SPOCK3: variants seen among roughly 807,000 people sequenced by gnomAD.
SPOCK3 encodes the protein testican-3.
In SPOCK3, 30 loss-of-function variants were observed where a neutral mutation model predicts 56.6. The ratio of observed to expected loss-of-function variants is 0.53; its 90% CI spans 0.40 to 0.72. The LOEUF (loss-of-function observed/expected upper bound fraction) is 0.72. Ranked by LOEUF, SPOCK3 falls within the 30% of genes least tolerant of loss-of-function variation. The probability of loss-of-function intolerance (pLI) is 0.00; values close to 1 mark genes in which losing one functional copy is unlikely to be tolerated. For missense variants in SPOCK3, 527 were observed against 530.0 expected (o/e 0.99, Z 0.06); for synonymous variants, 196 against 183.3 (o/e 1.07, Z -0.56).
At chr4:166,996,646 C>A (rs1203377657) in intron 4 of SPOCK3, among the ~76,000 whole-genome samples, 2 of 152,098 alleles carry the variant, frequency 1.3e-5, no homozygotes, top group African/African-American at 2.4e-5. Flanking sequence ...ATAAAGGTAA[C>A]AGAAAGTTAG....
intron 6 of SPOCK3, among the ~76,000 whole-genome samples, chr4:166,814,309 T>C (rs779822439): frequency 1.3e-5 from 2 of 152,024 alleles, no homozygotes; most frequent in Non-Finnish European, 2.9e-5. Context: ...TAGGTGTCAA[T>C]TGGATTGGAT....
chr4:166,812,039 C>T (rs902198460), intron 6 of SPOCK3, among the ~76,000 whole-genome samples: 6 of 151,708 alleles, frequency 4.0e-5, no homozygotes, highest in Admixed American at 6.6e-5. Context: ...AATATTTAAT[C>T]GGAACATTAA....
chr4:167,197,981 C>T (rs1262697565), intron 2 of SPOCK3, among the ~76,000 whole-genome samples: 1 of 152,032 alleles, frequency 6.6e-6, no homozygotes, highest in Non-Finnish European at 1.5e-5. Flanking sequence ...TTGCTGATGT[C>T]GCTTGTCTCA....
chr4:167,218,973 C>CAGTAAGTACAAT (rs1347772398), intron 2 of SPOCK3, among the ~76,000 whole-genome samples: 2 of 152,094 alleles, frequency 1.3e-5, no homozygotes, highest in Non-Finnish European at 2.9e-5. Context: ...GCCTTTAATT[C>CAGTAAGTACAAT]ACAGTTTCAG....
At chr4:167,135,337 T>A (rs1377057743) in intron 2 of SPOCK3, among the ~76,000 whole-genome samples, 1 of 152,132 alleles carries the variant, frequency 6.6e-6, no homozygotes, top group East Asian at 1.9e-4. Context: ...ATGTTCAATT[T>A]TTAAAACGTA....
At chr4:166,860,503 T>C (rs931768399) in intron 6 of SPOCK3, among the ~76,000 whole-genome samples, 1 of 151,954 alleles carries the variant, frequency 6.6e-6, no homozygotes, top group African/African-American at 2.4e-5. Context: ...ATTATAAATG[T>C]TTAAGTGCTG....
At chr4:167,071,670 C>A (rs189236331) in intron 2 of SPOCK3, among the ~76,000 whole-genome samples, 6 of 151,658 alleles carry the variant, frequency 4.0e-5, no homozygotes, top group African/African-American at 1.5e-4. Flanking sequence ...GTGAATAGTG[C>A]CGCAATAAAC....
At chr4:167,211,103 T>A (rs1734828267) in intron 2 of SPOCK3, among the ~76,000 whole-genome samples, 1 of 152,202 alleles carries the variant, frequency 6.6e-6, no homozygotes, top group Non-Finnish European at 1.5e-5. Flanking sequence ...ATGACCTGGA[T>A]GTGAGACATA....
At chr4:166,753,146 T>C (rs1428164142) in intron 8 of SPOCK3, among the ~76,000 whole-genome samples, 3 of 135,816 alleles carry the variant, frequency 2.2e-5, no homozygotes, top group Admixed American at 7.8e-5. Context: ...TCAGAATATT[T>C]TAAATGTTTG....
intron 2 of SPOCK3, among the ~76,000 whole-genome samples, chr4:167,085,720 T>C (rs1758133256): frequency 6.6e-6 from 1 of 152,150 alleles, no homozygotes; most frequent in Non-Finnish European, 1.5e-5. Flanking sequence ...TCATCATTTT[T>C]ACTTGGGGAA....
chr4:166,766,608 T>A (rs1218082781), intron 7 of SPOCK3, among the ~76,000 whole-genome samples: 1 of 152,202 alleles, frequency 6.6e-6, no homozygotes, highest in African/African-American at 2.4e-5. Flanking sequence ...TATTGAGGAT[T>A]TTTGCATCAA....
chr4:166,779,745 C>T (rs1452407894), intron 7 of SPOCK3, among the ~76,000 whole-genome samples: 1 of 152,018 alleles, frequency 6.6e-6, no homozygotes, highest in East Asian at 1.9e-4. Flanking sequence ...TAAATGCTTA[C>T]ATTTACAAAT....
At chr4:166,959,330 C>A (rs949932731) in intron 4 of SPOCK3, among the ~76,000 whole-genome samples, 9 of 151,958 alleles carry the variant, frequency 5.9e-5, no homozygotes, top group African/African-American at 2.2e-4. Context: ...AGATTGAATT[C>A]TCGGCCAGGC....
At chr4:166,741,291 G>A (rs528607218) in intron 9 of SPOCK3, among the ~76,000 whole-genome samples, 11 of 152,250 alleles carry the variant, frequency 7.2e-5, no homozygotes, top group Non-Finnish European at 1.2e-4. Context: ...ATGTTTCATC[G>A]TTATTTGGCA....
At chr4:166,975,272 A>T (rs1267483736) in intron 4 of SPOCK3, among the ~76,000 whole-genome samples, 1 of 152,206 alleles carries the variant, frequency 6.6e-6, no homozygotes, top group African/African-American at 2.4e-5. Context: ...CAATATGTAT[A>T]ATTTGGAATA....
At chr4:166,861,824 C>T (rs558470874) in intron 6 of SPOCK3, among the ~76,000 whole-genome samples, 1 of 152,194 alleles carries the variant, frequency 6.6e-6, no homozygotes, top group Non-Finnish European at 1.5e-5. Flanking sequence ...TTTTTGGCAG[C>T]AGCTGCAAAT....
At chr4:166,822,210 G>T (rs1001880379) in intron 6 of SPOCK3, among the ~76,000 whole-genome samples, 1 of 151,978 alleles carries the variant, frequency 6.6e-6, no homozygotes, top group Non-Finnish European at 1.5e-5. Context: ...GTCATGAATG[G>T]TATTTGCTCT....
chr4:166,866,826 A>G (rs771320556), intron 6 of SPOCK3, among the ~76,000 whole-genome samples: 7 of 152,206 alleles, frequency 4.6e-5, no homozygotes, highest in Non-Finnish European at 1.0e-4. Context: ...ATCATTTTTA[A>G]TCTTCATGAA....
At chr4:167,109,284 T>C (rs1760600963) in intron 2 of SPOCK3, among the ~76,000 whole-genome samples, 1 of 89,574 alleles carries the variant, frequency 1.1e-5, no homozygotes, top group South Asian at 3.6e-4. Flanking sequence ...AATTAAGTAT[T>C]AATTATTATA....
Sources: allele counts gnomAD v4.1 joint callset (sites outside exome capture counted in the v4.1 genomes callset), GRCh38; gene constraint gnomAD v4.1.1; transcripts MANE v1.5; gene names NCBI Gene and HGNC (gene_info 2026-07-23, HGNC 2026-07-21).